COL24A1: variants seen among roughly 807,000 people sequenced by gnomAD.
COL24A1 encodes collagen type XXIV alpha 1 chain, also known as collagen alpha-1(XXIV) chain.
COL24A1 carries 224 observed loss-of-function variants against 253.9 expected under a neutral mutation model. The observed-to-expected ratio is 0.88, with a 90% CI of 0.79 to 0.99. COL24A1 has a LOEUF of 0.99. Among genes scored for constraint, COL24A1 ranks in the 50% least tolerant of loss-of-function variants. The probability of loss-of-function intolerance (pLI) is 0.00; values close to 1 mark genes in which losing one functional copy is unlikely to be tolerated. For synonymous variants in COL24A1, 685 were observed against 673.7 expected (o/e 1.02, Z -0.26); for missense variants, 2,131 against 2,068.5 (o/e 1.03, Z -0.59).
intron 24 of COL24A1, among the ~76,000 whole-genome samples, chr1:85,925,292 T>A (rs1687058868): frequency 6.6e-6 from 1 of 152,174 alleles, no homozygotes; most frequent in Non-Finnish European, 1.5e-5. Context: ...AAGCTACCAA[T>A]GACTTTCTTC....
intron 5 of COL24A1, among the ~76,000 whole-genome samples, chr1:86,111,993 C>T (rs145550984): frequency 0.022 from 3,358 of 152,248 alleles, 56 homozygotes; most frequent in Non-Finnish European, 0.035. Flanking sequence ...ACACTCACCG[C>T]GAGGGTCCGT....
chr1:85,948,134 C>G (rs555976362), intron 24 of COL24A1, among the ~76,000 whole-genome samples: 19 of 152,230 alleles, frequency 1.2e-4, no homozygotes, highest in African/African-American at 4.6e-4. Context: ...CAACTTTTTT[C>G]AAGAAGGCTT....
intron 12 of COL24A1, among the ~76,000 whole-genome samples, chr1:86,037,671 A>G (rs1699141687): frequency 6.6e-6 from 1 of 152,198 alleles, no homozygotes; most frequent in South Asian, 2.1e-4. Context: ...CCAGAGCAGA[A>G]GACTCAGTTA....
rs1212886965 is a variant in COL24A1, at chr1:85,997,041, A to ATGTGTGTGTGTGTGTGTGTGTG, written c.2311-9388_2311-9387insCACACACACACACACACACACA. Among the ~76,000 whole-genome samples, 16 of 81,158 alleles carry ATGTGTGTGTGTGTGTGTGTGTG rather than the reference A, an allele frequency of 2.0e-4. 3 individuals are homozygous for ATGTGTGTGTGTGTGTGTGTGTG. Among genetic ancestry groups the ATGTGTGTGTGTGTGTGTGTGTG allele is most frequent in the East Asian group, 7.5e-4 (3 of 4,020 alleles). The allele number at this position is 81,158 out of a possible 152,430, so 53.2% of individuals were successfully genotyped here. A position where few individuals can be genotyped will look rare whatever the true frequency, so the allele number is the denominator to read the frequency against. ...TATGTGTGTGTGTATATATATATAT[A>ATGTGTGTGTGTGTGTGTGTGTG]TGTGTGTGTGTGTGTATATATATAT... On this transcript the variant is annotated intron_variant, in intron 19 of 59. Transcript: ENST00000370571.
intron 53 of COL24A1, among the ~76,000 whole-genome samples, chr1:85,762,329 G>C (rs1315359183): frequency 6.6e-6 from 1 of 152,070 alleles, no homozygotes; most frequent in Admixed American, 6.6e-5. Flanking sequence ...ATCTTGTATT[G>C]CCAAAGCTGT....
intron 43 of COL24A1, among the ~76,000 whole-genome samples, chr1:85,831,365 C>A (rs1473034742): frequency 6.6e-6 from 1 of 152,020 alleles, no homozygotes; most frequent in Non-Finnish European, 1.5e-5. Context: ...GCTTTTCCAC[C>A]ATCCCTGTAT....
intron 22 of COL24A1, among the ~76,000 whole-genome samples, chr1:85,967,962 C>T (rs140105462): frequency 0.039 from 5,947 of 152,234 alleles, 170 homozygotes; most frequent in Non-Finnish European, 0.06. Flanking sequence ...CAGATCCACT[C>T]TTAATCTGGT....
At chr1:86,051,287 T>A (rs1700278748) in intron 10 of COL24A1, among the ~76,000 whole-genome samples, 2 of 151,034 alleles carry the variant, frequency 1.3e-5, no homozygotes, top group Non-Finnish European at 1.5e-5. Context: ...GGAAAGAGGG[T>A]CATACAAATA....
chr1:85,799,395 A>C (rs1671191238), intron 47 of COL24A1, among the ~76,000 whole-genome samples: 1 of 151,602 alleles, frequency 6.6e-6, no homozygotes, highest in Admixed American at 6.6e-5. Flanking sequence ...AAAAAAAAAA[A>C]AAAAAAAAAA....
intron 7 of COL24A1, among the ~76,000 whole-genome samples, chr1:86,076,510 T>G (rs1038801669): frequency 6.6e-6 from 1 of 152,194 alleles, no homozygotes; most frequent in African/African-American, 2.4e-5. Flanking sequence ...CAAGCTATCA[T>G]TGACTTTCTT....
intron 7 of COL24A1, among the ~76,000 whole-genome samples, chr1:86,083,354 CAT>C (rs933474834): frequency 4.3e-4 from 65 of 150,692 alleles, no homozygotes; most frequent in Middle Eastern, 7.0e-3. Context: ...CTATATATAT[CAT>C]ATATATAGTT....
At chr1:85,735,525 C>T (rs1334177888) in intron 58 of COL24A1, among the ~76,000 whole-genome samples, 3 of 151,950 alleles carry the variant, frequency 2.0e-5, no homozygotes, top group Admixed American at 6.6e-5. Flanking sequence ...AGAGCCTTAA[C>T]GGACTAGGAC....
At chr1:85,733,021 T>C (rs1488362424) in intron 59 of COL24A1, among the ~76,000 whole-genome samples, 1 of 152,196 alleles carries the variant, frequency 6.6e-6, no homozygotes, top group African/African-American at 2.4e-5. Flanking sequence ...GTCTCAGAGG[T>C]ACTAGTGAGT....
intron 58 of COL24A1, among the ~76,000 whole-genome samples, chr1:85,737,101 G>A (rs1367782739): frequency 1.3e-5 from 2 of 152,046 alleles, no homozygotes; most frequent in African/African-American, 4.8e-5. Context: ...TCTAATGTGT[G>A]TGTATGCATA....
intron 56 of COL24A1, 106 bp downstream of exon 56, chr1:85,745,335 A>C (rs950562049): frequency 8.0e-6 from 5 of 626,070 alleles, no homozygotes; most frequent in Non-Finnish European, 1.3e-5. Flanking sequence ...AATCTGTTTT[A>C]AATACAATCT....
chr1:85,971,599 A>G (rs491358), intron 20 of COL24A1, among the ~76,000 whole-genome samples: 114,904 of 152,108 alleles, frequency 0.76, 44,334 homozygotes, highest in African/African-American at 0.9. Flanking sequence ...ACAGTAAGTT[A>G]ATATTCAAAT....
chr1:85,842,041 G>A (rs751455040), intron 41 of COL24A1, 27 bp downstream of exon 41: 1 of 1,596,456 alleles, frequency 6.3e-7, no homozygotes, highest in South Asian at 1.1e-5. Flanking sequence ...TTAACTTTAA[G>A]ATTAAAAAGC....
chr1:85,773,893 A>G (rs1477652502), intron 53 of COL24A1, among the ~76,000 whole-genome samples: 1 of 152,170 alleles, frequency 6.6e-6, no homozygotes, highest in Non-Finnish European at 1.5e-5. Flanking sequence ...CCTGGCCAGA[A>G]CTTCCAACAC....
intron 47 of COL24A1, among the ~76,000 whole-genome samples, chr1:85,794,876 A>T (rs1445806618): frequency 6.6e-6 from 1 of 152,134 alleles, no homozygotes; most frequent in Non-Finnish European, 1.5e-5. Flanking sequence ...ATGACCAGAG[A>T]CTTCCTTTAT....
Sources: allele counts gnomAD v4.1 joint callset (sites outside exome capture counted in the v4.1 genomes callset), GRCh38; gene constraint gnomAD v4.1.1; transcripts MANE v1.5; gene names NCBI Gene and HGNC (gene_info 2026-07-23, HGNC 2026-07-21).